GRID2: variants seen among roughly 807,000 people sequenced by gnomAD.
GRID2 encodes glutamate ionotropic receptor delta type subunit 2.
GRID2 carries 33 observed loss-of-function variants against 114.8 expected under a neutral mutation model. The observed-to-expected ratio is 0.29, with a 90% CI of 0.22 to 0.38. The LOEUF (loss-of-function observed/expected upper bound fraction) is 0.38. GRID2 is among the 10% of genes least tolerant of loss of function. The pLI is 1.00. For synonymous variants in GRID2, 505 were observed against 449.9 expected, an observed-to-expected ratio of 1.12 and a Z score of -1.55; for missense variants, 1,184 against 1,257.7, an observed-to-expected ratio of 0.94 and a Z score of 0.89.
intron 8 of GRID2, among the ~76,000 whole-genome samples, chr4:93,312,858 C>T (rs1756168682): frequency 6.6e-6 from 1 of 151,998 alleles, no homozygotes; most frequent in Non-Finnish European, 1.5e-5. Context: ...GCGTTTGAAG[C>T]CCCAAGTGTA....
At chr4:92,706,939 A>G (rs182830230) in intron 2 of GRID2, among the ~76,000 whole-genome samples, 20 of 152,252 alleles carry the variant, frequency 1.3e-4, no homozygotes, top group African/African-American at 4.6e-4. Flanking sequence ...TTAGTCACCA[A>G]TTCGACATAC....
chr4:92,542,770 C>G (rs1726041353), intron 1 of GRID2, among the ~76,000 whole-genome samples: 1 of 151,530 alleles, frequency 6.6e-6, no homozygotes, highest in Non-Finnish European at 1.5e-5. Flanking sequence ...TCCCCAAAAA[C>G]TATTGAAATA....
chr4:93,377,526 A>G (rs1356060832), intron 8 of GRID2, among the ~76,000 whole-genome samples: 1 of 152,140 alleles, frequency 6.6e-6, no homozygotes, highest in Non-Finnish European at 1.5e-5. Flanking sequence ...CACCCACATT[A>G]GCACAGTATT....
intron 2 of GRID2, among the ~76,000 whole-genome samples, chr4:92,685,009 A>C (rs926514002): frequency 2.6e-5 from 4 of 152,064 alleles, no homozygotes; most frequent in Non-Finnish European, 5.9e-5. Context: ...AAACCCAATT[A>C]TATATCTAGT....
intron 4 of GRID2, among the ~76,000 whole-genome samples, chr4:93,187,986 T>G (rs999441050): frequency 6.6e-6 from 1 of 151,280 alleles, no homozygotes; most frequent in South Asian, 2.1e-4. Context: ...CAACCAGTAT[T>G]GCAGCTCTCA....
intron 4 of GRID2, among the ~76,000 whole-genome samples, chr4:93,126,680 C>G (rs1238456662): frequency 1.5e-5 from 2 of 134,516 alleles, no homozygotes; most frequent in Non-Finnish European, 3.1e-5. Context: ...TCACTGCAAG[C>G]TCCGCCTCCC....
chr4:93,669,933 T>G (rs2149750640), intron 14 of GRID2, among the ~76,000 whole-genome samples: 1 of 152,220 alleles, frequency 6.6e-6, no homozygotes, highest in Non-Finnish European at 1.5e-5. Context: ...TCAGCTTTTG[T>G]GGCTGTTTTA....
intron 14 of GRID2, among the ~76,000 whole-genome samples, chr4:93,746,457 ATTC>A (rs1303618676): frequency 1.3e-5 from 2 of 151,598 alleles, no homozygotes; most frequent in Non-Finnish European, 2.9e-5. Context: ...AGGATGGTCA[ATTC>A]TTCCAACACA....
intron 2 of GRID2, among the ~76,000 whole-genome samples, chr4:93,000,001 CTT>C (rs949998353): frequency 6.6e-6 from 1 of 151,520 alleles, no homozygotes; most frequent in Non-Finnish European, 1.5e-5. Context: ...AAAAAGGAAA[CTT>C]GTTTGCATTT....
At chr4:92,857,314 A>G (rs1376222808) in intron 2 of GRID2, among the ~76,000 whole-genome samples, 1 of 151,734 alleles carries the variant, frequency 6.6e-6, no homozygotes. Context: ...GAAAGCCAAA[A>G]TAGGCTGAAA....
intron 14 of GRID2, among the ~76,000 whole-genome samples, chr4:93,690,075 A>G (rs1025386609): frequency 2.6e-5 from 4 of 152,086 alleles, no homozygotes; most frequent in African/African-American, 4.8e-5. Flanking sequence ...TTTTAATGCT[A>G]TAGGATAAAC....
chr4:92,617,273 A>T (rs898417055), intron 2 of GRID2, among the ~76,000 whole-genome samples: 5 of 151,188 alleles, frequency 3.3e-5, no homozygotes, highest in Non-Finnish European at 5.9e-5. Flanking sequence ...TTTGTTACAT[A>T]GGTATACATA....
At chr4:92,794,905 T>TATATATATATATATACACAC (rs745392261) in intron 2 of GRID2, among the ~76,000 whole-genome samples, 2 of 127,806 alleles carry the variant, frequency 1.6e-5, no homozygotes, top group African/African-American at 6.2e-5. Flanking sequence ...TATATATATA[T>TATATATATATATATACACAC]ACACACACAC....
At chr4:92,730,786 G>A (rs1383352589) in intron 2 of GRID2, among the ~76,000 whole-genome samples, 2 of 151,984 alleles carry the variant, frequency 1.3e-5, no homozygotes, top group South Asian at 2.1e-4. Context: ...TGGTGCAAGC[G>A]AATAAGCAAT....
chr4:92,810,387 T>C (rs1230928747), intron 2 of GRID2, among the ~76,000 whole-genome samples: 1 of 152,048 alleles, frequency 6.6e-6, no homozygotes, highest in East Asian at 1.9e-4. Context: ...TGTGTGCTAC[T>C]CATGTGACAG....
intron 2 of GRID2, among the ~76,000 whole-genome samples, chr4:92,746,929 AT>A (rs1737175757): frequency 6.6e-6 from 1 of 152,136 alleles, no homozygotes; most frequent in Non-Finnish European, 1.5e-5. Context: ...TAGGTAAGTT[AT>A]TTGTAGAGCA....
At chr4:93,444,433 T>G (rs753823796) in intron 10 of GRID2, among the ~76,000 whole-genome samples, 1 of 152,006 alleles carries the variant, frequency 6.6e-6, no homozygotes, top group Admixed American at 6.6e-5. Flanking sequence ...ATCATGATGT[T>G]TTTGTCACTA....
intron 14 of GRID2, among the ~76,000 whole-genome samples, chr4:93,677,481 G>C (rs1433300817): frequency 9.9e-5 from 15 of 152,206 alleles, no homozygotes. Context: ...GCCTCCTCAA[G>C]TGGGTCCCTG....
chr4:92,885,384 G>A (rs982208108), intron 2 of GRID2, among the ~76,000 whole-genome samples: 1 of 152,192 alleles, frequency 6.6e-6, no homozygotes, highest in Non-Finnish European at 1.5e-5. Context: ...TTGATACGTG[G>A]AGGGAATTGT....
Sources: gnomAD v4.1 joint callset for allele counts (sites outside exome capture counted in the v4.1 genomes callset) on GRCh38, gnomAD v4.1.1 for gene constraint, MANE v1.5 for transcripts, NCBI Gene and HGNC (gene_info 2026-07-23, HGNC 2026-07-21) for gene names.